The following LRRCC1 variants were observed in gnomAD, a reference collection of about 807,000 sequenced individuals.
The protein encoded by LRRCC1 is leucine-rich repeat and coiled-coil domain-containing protein 1.
LRRCC1 carries 115 observed loss-of-function variants against 126.0 expected under a neutral mutation model. The observed-to-expected ratio is 0.91, with a 90% CI of 0.78 to 1.07. LRRCC1 has a LOEUF of 1.07. Ranked by LOEUF, LRRCC1 falls within the 50% of genes least tolerant of loss-of-function variation. LRRCC1 has a pLI of 0.00. For synonymous variants in LRRCC1, 400 were observed against 393.4 expected, an observed-to-expected ratio of 1.02 and a Z score of -0.20; for missense variants, 1,172 against 1,175.7, an observed-to-expected ratio of 1.00 and a Z score of 0.05.
rs565002377 is a variant in LRRCC1 at position 85,112,918 on chromosome 8, T to C, written c.377-14T>C. On this transcript the variant is annotated splice_polypyrimidine_tract_variant and intron_variant, in intron 3 of 18. Transcript: ENST00000360375. Reference sequence around the variant, plus strand: ...TATTGCTGTGGCATTTAAAGAATTATGTTCCTATTGCAGGATTGATTCCCC... The same window carrying C: ...TATTGCTGTGGCATTTAAAGAATTACGTTCCTATTGCAGGATTGATTCCCC... The C allele has an allele frequency of 5.9e-6, 9 of 1,538,224 alleles. No individual in the cohort carries two copies. The East Asian group carries it at 1.6e-4, about 27-fold the overall frequency.
At chr8:85,125,868 A>C (rs1809955190) in intron 8 of LRRCC1, among the ~76,000 whole-genome samples, 1 of 151,932 alleles carries the variant, frequency 6.6e-6, no homozygotes, top group African/African-American at 2.4e-5. Flanking sequence ...TCCTCCCCTT[A>C]TTCTCAACTA....
chr8:85,130,741 A>C (rs1810404807), intron 11 of LRRCC1, among the ~76,000 whole-genome samples: 1 of 152,172 alleles, frequency 6.6e-6, no homozygotes. Context: ...TATTCCTCTG[A>C]AGGAGGGGTC....
At position 85,141,441 on chromosome 8, in the gene LRRCC1, T is replaced by C. The variant is rs575524623; in HGVS notation, c.2900T>C (p.Ile967Thr). Residue 967 changes from isoleucine (I) to threonine (T), a missense_variant, in exon 18 of 19, where the codon ATT becomes ACT. Physicochemically the swap from Ile to Thr is moderately conservative, Grantham distance 89. Transcript: ENST00000360375. Reference sequence around the variant, plus strand: ...GCCTTTAAAAGACAAGTTGATGCAATTGTTGAAGCTCATCAAGCTGAAATA... The same window carrying C: ...GCCTTTAAAAGACAAGTTGATGCAACTGTTGAAGCTCATCAAGCTGAAATA... ...DDAFKRQVDA[I>T]VEAHQAEIAQ... 1 of 1,613,228 alleles carries C rather than the reference T, an allele frequency of 6.2e-7. No individual in the cohort carries two copies. Among genetic ancestry groups the C allele is most frequent in the South Asian group, 1.1e-5 (1 of 91,024 alleles).
intron 12 of LRRCC1, among the ~76,000 whole-genome samples, chr8:85,133,869 G>A (rs1468259057): frequency 6.6e-6 from 1 of 152,072 alleles, no homozygotes; most frequent in Non-Finnish European, 1.5e-5. Flanking sequence ...ATACATGTTT[G>A]GTAATATGAC....
intron 18 of LRRCC1, among the ~76,000 whole-genome samples, chr8:85,142,190 A>C (rs921359524): frequency 3.9e-5 from 6 of 151,954 alleles, no homozygotes; most frequent in African/African-American, 1.2e-4. Context: ...GCTACTCGGG[A>C]GGCTGAGGTA....
intron 7 of LRRCC1, among the ~76,000 whole-genome samples, chr8:85,124,294 A>G (rs1809794027): frequency 6.6e-6 from 1 of 152,222 alleles, no homozygotes; most frequent in East Asian, 1.9e-4. Flanking sequence ...ACCCAATTAC[A>G]TTTTACATGT....
At chr8:85,123,724 C>A in intron 7 of LRRCC1, 118 bp downstream of exon 7, 1 of 747,630 alleles carries the variant, frequency 1.3e-6, no homozygotes, top group Non-Finnish European at 2.1e-6. Flanking sequence ...TTTGATTTTT[C>A]AGCCTTGCAG....
Position 85,138,016 on chromosome 8 carries a change from G to A in LRRCC1, c.2494-19G>A, listed in dbSNP as rs984114414. On this transcript the variant is annotated intron_variant, in intron 15 of 18. Coordinates refer to ENST00000360375, the MANE Select transcript of LRRCC1 (RefSeq NM_033402.5). ...CATTTAAAGTTAATAAAAACAAAGTGCCAATTTTTTTCTTAAAGTGTTTAC... is the reference window on the plus strand; with the variant it reads ...CATTTAAAGTTAATAAAAACAAAGTACCAATTTTTTTCTTAAAGTGTTTAC... 6 of 1,359,948 alleles carry A rather than the reference G, an allele frequency of 4.4e-6. No homozygotes were observed. The highest frequency in any genetic ancestry group is 2.5e-5 in the Admixed American group (1 of 40,142). The allele number at this position is 1,359,948 out of a possible 1,614,324, so 84.2% of individuals were successfully genotyped here.
At chr8:85,110,886 T>C (rs1472634893) in intron 3 of LRRCC1, among the ~76,000 whole-genome samples, 1 of 152,220 alleles carries the variant, frequency 6.6e-6, no homozygotes, top group Non-Finnish European at 1.5e-5. Context: ...CTCTAATATC[T>C]TCATAATCCT....
At chr8:85,125,738 C>T (rs1334372771) in intron 8 of LRRCC1, among the ~76,000 whole-genome samples, 1 of 146,550 alleles carries the variant, frequency 6.8e-6, no homozygotes, top group Non-Finnish European at 1.5e-5. Flanking sequence ...TAACATTTCT[C>T]ATGTTGAGAA....
At chr8:85,107,518 C>A in intron 1 of LRRCC1, 119 bp downstream of exon 1, 1 of 852,236 alleles carries the variant, frequency 1.2e-6, no homozygotes, top group Non-Finnish European at 1.8e-6. Context: ...CATAAGTGAA[C>A]GCAGTCTGGC....
Position 85,145,532 on chromosome 8 carries a change from A to G in LRRCC1, c.*21A>G, listed in dbSNP as rs111675718. The G allele has an allele frequency of 9.0e-3, 14,037 of 1,564,628 alleles. 100 individuals carry two copies. The highest frequency in any genetic ancestry group is 0.01 in the Non-Finnish European group (11,830 of 1,162,360). ...TGTGATGGTTCTGAGAATGAATTTA[A>G]TTGAAATAGACCAGCAGACCTATTG... On this transcript the variant is annotated 3_prime_UTR_variant, in exon 19 of 19. Coordinates refer to ENST00000360375, the MANE Select transcript of LRRCC1 (RefSeq NM_033402.5).
chr8:85,137,052 C>T (rs1464044386), intron 14 of LRRCC1, among the ~76,000 whole-genome samples: 2 of 152,178 alleles, frequency 1.3e-5, no homozygotes, highest in African/African-American at 4.8e-5. Context: ...GTTTCAAACT[C>T]CTGACCTCAA....
At chr8:85,117,900 T>G (rs956837484) in intron 6 of LRRCC1, among the ~76,000 whole-genome samples, 7 of 152,088 alleles carry the variant, frequency 4.6e-5, no homozygotes, top group African/African-American at 1.7e-4. Flanking sequence ...GAGTTAAATA[T>G]TTTTTAGGTG....
At chr8:85,143,615 G>A (rs1459286431) in intron 18 of LRRCC1, among the ~76,000 whole-genome samples, 1 of 152,046 alleles carries the variant, frequency 6.6e-6, no homozygotes, top group East Asian at 1.9e-4. Context: ...CTGCAGCCTG[G>A]GTGACAACAA....
chr8:85,123,841 A>G (rs1809758307), intron 7 of LRRCC1, among the ~76,000 whole-genome samples: 1 of 152,162 alleles, frequency 6.6e-6, no homozygotes, highest in Non-Finnish European at 1.5e-5. Flanking sequence ...GATATCTCAT[A>G]CTATAAAGAA....
intron 6 of LRRCC1, among the ~76,000 whole-genome samples, chr8:85,118,171 C>T (rs1000530545): frequency 2.6e-5 from 4 of 151,838 alleles, no homozygotes; most frequent in African/African-American, 4.8e-5. Flanking sequence ...CTGAGCATAA[C>T]CTTGTAAAAA....
At chr8:85,131,442 C>T (rs144802872) in intron 11 of LRRCC1, among the ~76,000 whole-genome samples, 4 of 152,278 alleles carry the variant, frequency 2.6e-5, no homozygotes, top group East Asian at 1.9e-4. Flanking sequence ...GTCAAAGACT[C>T]GGCCAAAGTA....
chr8:85,121,933 A>G (rs1684456940), intron 6 of LRRCC1, among the ~76,000 whole-genome samples: 1 of 152,168 alleles, frequency 6.6e-6, no homozygotes, highest in South Asian at 2.1e-4. Context: ...ATCTGGTGTT[A>G]TATTCCTTCA....
Sources: gnomAD v4.1 joint callset for allele counts (sites outside exome capture counted in the v4.1 genomes callset) on GRCh38, gnomAD v4.1.1 for gene constraint, MANE v1.5 for transcripts, NCBI Gene and HGNC (gene_info 2026-07-23, HGNC 2026-07-21) for gene names.